The following PTGIR variants were observed in gnomAD, a reference collection of about 807,000 sequenced individuals.
PTGIR encodes prostacyclin receptor.
In PTGIR, 16 loss-of-function variants were observed where a neutral mutation model predicts 17.6. The observed-to-expected ratio is 0.91, with a 90% CI of 0.61 to 1.38. PTGIR has a LOEUF of 1.38. Ranked by LOEUF, PTGIR falls within the 40% of genes most tolerant of loss-of-function variation. PTGIR has a pLI of 0.00. For synonymous variants in PTGIR, 274 were observed against 255.4 expected (o/e 1.07, Z -0.69); for missense variants, 532 against 548.6 (o/e 0.97, Z 0.30).
chr19:46,623,661 C>T lies in PTGIR; in HGVS notation c.565G>A (p.Ala189Thr), dbSNP rs202023073. The T allele has an allele frequency of 1.9e-6, 3 of 1,548,166 alleles. No homozygotes were observed. The highest frequency in any genetic ancestry group is 1.7e-6 in the Non-Finnish European group (2 of 1,148,672). The change falls in exon 2 of 3, where the codon GCC becomes ACC. Residue 189 changes from alanine to threonine, a missense_variant. Transcript: ENST00000291294. Reference protein sequence around the residue: ...PGGAAFSLAYAGLVALLVAAI... With the variant: ...PGGAAFSLAYTGLVALLVAAI... ...GCCACCAGCAGGGCCACCAGGCCGG[C>T]GTAGGCCAGCGAGAAGGCGGCGCCG... is the stretch of plus-strand genomic sequence containing the variant.
At chr19:46,616,569 T>A (rs1312825502), downstream of PTGIR, among the ~76,000 whole-genome samples, 3 of 151,936 alleles carry the variant, frequency 2.0e-5, no homozygotes, top group Non-Finnish European at 4.4e-5. Context: ...CCTGACCTTG[T>A]GATCTGCCTG....
downstream of PTGIR, among the ~76,000 whole-genome samples, chr19:46,618,089 AC>A (rs1971988888): frequency 7.0e-6 from 1 of 143,840 alleles, no homozygotes; most frequent in African/African-American, 2.7e-5. Context: ...ATCTCGGCTC[AC>A]TGCAAGCTCT....
the PTGIR span, among the ~76,000 whole-genome samples, chr19:46,611,234 C>T: frequency 3.3e-5 from 5 of 152,180 alleles, no homozygotes; most frequent in Non-Finnish European, 5.9e-5. Context: ...GAAGCCCAGA[C>T]ATCAAGGAAC....
At chr19:46,614,928 AG>A in the PTGIR span, among the ~76,000 whole-genome samples, 1 of 152,178 alleles carries the variant, frequency 6.6e-6, no homozygotes, top group Non-Finnish European at 1.5e-5. Context: ...AGGCTGAGGC[AG>A]GAGAATTGTT....
chr19:46,621,391 C>A lies in PTGIR; in HGVS notation c.1050G>T (p.Ser350=). 1 of 1,594,438 alleles carries A rather than the reference C, an allele frequency of 6.3e-7. No homozygotes were observed. Residue 350 remains serine (S), a synonymous_variant, in exon 3 of 3, where the codon TCG becomes TCT. Coordinates refer to ENST00000291294, the MANE Select transcript of PTGIR (RefSeq NM_000960.4). This position sits in a 1 kb window ranked among gnomAD's most constrained non-coding sequence, Gnocchi z 4.8. ...VGKEGSCVPL[S]AWGEGQVEPL... ...GCTCCACCTGCCCCTCGCCCCAAGC[C>A]GACAAAGGCACGCAGCTCCCCTCCT...
chr19:46,621,772 G>C lies in PTGIR; in HGVS notation c.769-100C>G. On this transcript the variant is annotated intron_variant, in intron 2 of 2. Transcript: ENST00000291294. The surrounding 1 kb of genome is among the most constrained non-coding windows in gnomAD (Gnocchi z 4.8). Reference sequence around the variant, plus strand: ...TGCTTACCAGGGATGAGGTAGGGGTGACATGTCAGAGGGGAAGGAGATAAG... The same window carrying C: ...TGCTTACCAGGGATGAGGTAGGGGTCACATGTCAGAGGGGAAGGAGATAAG... 1 of 1,482,178 alleles carries C rather than the reference G, an allele frequency of 6.7e-7. No homozygotes were observed. The highest frequency in any genetic ancestry group is 1.4e-5 in the South Asian group (1 of 72,154). The allele number at this position is 1,482,178 out of a possible 1,614,324, so 91.8% of individuals were successfully genotyped here. A position where few individuals can be genotyped will look rare whatever the true frequency, so the allele number is the denominator to read the frequency against.
At chr19:46,615,811 AT>A (rs925932548), downstream of PTGIR, among the ~76,000 whole-genome samples, 193 of 139,010 alleles carry the variant, frequency 1.4e-3, no homozygotes, top group African/African-American at 4.9e-3. Flanking sequence ...CAGCCAAAAC[AT>A]TTTTTTTTAG....
chr19:46,615,389 A>T, the PTGIR span, among the ~76,000 whole-genome samples: 1 of 152,208 alleles, frequency 6.6e-6, no homozygotes, highest in African/African-American at 2.4e-5. Context: ...TTGGTATCCC[A>T]GGAGGGTCCT....
At chr19:46,611,237 C>G in the PTGIR span, among the ~76,000 whole-genome samples, 2 of 152,174 alleles carry the variant, frequency 1.3e-5, no homozygotes, top group Non-Finnish European at 2.9e-5. Context: ...GCCCAGACAT[C>G]AAGGAACTGA....
chr19:46,616,962 C>T (rs1971971461), downstream of PTGIR, among the ~76,000 whole-genome samples: 1 of 152,222 alleles, frequency 6.6e-6, no homozygotes, highest in Non-Finnish European at 1.5e-5. Context: ...GTTCTGAGGG[C>T]CCGCTGAGGG....
chr19:46,623,679 C>A lies in PTGIR; in HGVS notation c.547G>T (p.Ala183Ser), dbSNP rs758087985. The stretch of plus-strand genomic sequence containing the variant: ...AGGCCGGCGTAGGCCAGCGAGAAGG[C>A]GGCGCCGCCCGGCTGGGCCCAGCGC... ...RMRWAQPGGAAFSLAYAGLVA... is the reference protein window; with the variant it reads ...RMRWAQPGGASFSLAYAGLVA... The change falls in exon 2 of 3, where the codon GCC becomes TCC. Residue 183 changes from alanine to serine, a missense_variant. Physicochemically the swap from Ala to Ser is moderately conservative, Grantham distance 99 (BLOSUM62 1). Transcript: ENST00000291294. 8 of 1,548,692 alleles carry A rather than the reference C, an allele frequency of 5.2e-6. No individual in the cohort carries two copies. In the East Asian group the frequency reaches 1.9e-4, roughly 37 times the overall value.
At position 46,624,076 on chromosome 19, in the gene PTGIR, C is replaced by T; in HGVS notation, c.150G>A (p.Ala50=). 6.5e-7 allele frequency: 1 copy of T among 1,541,442 alleles called. No individual in the cohort carries two copies. Among genetic ancestry groups the T allele is most frequent in the South Asian group, 1.2e-5 (1 of 83,906 alleles). ...TGGCCGCCAGTCCGGTCACCAGCACCGCGAAGGCCGAGGGGCGCGCCGGTC... is the reference window on the plus strand; with the variant it reads ...TGGCCGCCAGTCCGGTCACCAGCACTGCGAAGGCCGAGGGGCGCGCCGGTC... ...ARRPARPSAF[A]VLVTGLAATD... Residue 50 remains alanine, a synonymous_variant, in exon 2 of 3, where the codon GCG becomes GCA. Coordinates refer to ENST00000291294, the MANE Select transcript of PTGIR (RefSeq NM_000960.4).
In PTGIR at chr19:46,623,522, A is replaced by G; in HGVS notation, c.704T>C (p.Val235Ala). Residue 235 changes from valine to alanine, a missense_variant, in exon 2 of 3, where the codon GTG becomes GCG. Transcript: ENST00000291294. ...GAGGGCCAGCAGGATCAGGTGGTCC[A>G]CCTCGTCCTCTCCGGTGCGCGGCCG... Reference protein sequence around the residue: ...GPRPRTGEDEVDHLILLALMT... With the variant: ...GPRPRTGEDEADHLILLALMT... 6.4e-7 allele frequency: 1 copy of G among 1,570,884 alleles called. No homozygotes were observed. Among genetic ancestry groups the G allele is most frequent in the South Asian group, 1.2e-5 (1 of 85,532 alleles).
rs754087174 is a variant in PTGIR, at chr19:46,624,094, C to T, written c.132G>A (p.Ala44=). ...ALGILSARRP[A]RPSAFAVLVT... ...CCAGCACCGCGAAGGCCGAGGGGCG[C>T]GCCGGTCGCCGTGCGCTCAGGATGC... is the stretch of plus-strand genomic sequence containing the variant. The change falls in exon 2 of 3, where the codon GCG becomes GCA. Residue 44 remains alanine, a synonymous_variant. Transcript: ENST00000291294. 1.1e-5 allele frequency: 17 copies of T among 1,539,638 alleles called. No homozygotes were observed. The South Asian group carries it at 1.9e-4, about 17-fold the overall frequency.
downstream of PTGIR, among the ~76,000 whole-genome samples, chr19:46,619,547 A>AAGAGAGAG (rs200797814): frequency 1.3e-4 from 11 of 87,914 alleles, no homozygotes; most frequent in African/African-American, 4.2e-4. Context: ...GAAAGAAAGA[A>AAGAGAGAG]AGAGAGAGAG....
downstream of PTGIR, among the ~76,000 whole-genome samples, chr19:46,616,208 G>T (rs1372624215): frequency 6.6e-6 from 1 of 151,888 alleles, no homozygotes; most frequent in African/African-American, 2.4e-5. Context: ...GCACGAGGCA[G>T]CCTCGGGTCC....
At position 46,623,806 on chromosome 19, in the gene PTGIR, C is replaced by G; in HGVS notation, c.420G>C (p.Leu140=). Residue 140 remains leucine (L), a synonymous_variant, in exon 2 of 3, where the codon CTG becomes CTC. Transcript: ENST00000291294. ...GGACGCAGAAGGCGTAGATGGCTGG[C>G]AGCGCCAGGCGGGCGCAGCGGGGCC... ...LDGPRCARLA[L]PAIYAFCVLF... is the part of the protein sequence containing the mutation. 6.2e-7 allele frequency: 1 copy of G among 1,608,780 alleles called. No homozygotes were observed. Among genetic ancestry groups the G allele is most frequent in the African/African-American group, 1.3e-5 (1 of 74,992 alleles).
downstream of PTGIR, among the ~76,000 whole-genome samples, chr19:46,617,243 G>A (rs779100367): frequency 9.9e-5 from 15 of 152,164 alleles, no homozygotes; most frequent in Non-Finnish European, 2.2e-4. Context: ...AGGCTGGCAG[G>A]GACTGCCAGA....
chr19:46,619,597 A>G (rs1276726635), downstream of PTGIR, among the ~76,000 whole-genome samples: 16 of 113,370 alleles, frequency 1.4e-4, no homozygotes, highest in African/African-American at 5.4e-4. Context: ...GAAAGAAAAG[A>G]AAGAAAGGAA....
Sources: allele counts gnomAD v4.1 joint callset (sites outside exome capture counted in the v4.1 genomes callset), GRCh38; gene constraint gnomAD v4.1.1; non-coding constraint Gnocchi (gnomAD v3.1); transcripts MANE v1.5; gene names NCBI Gene and HGNC (gene_info 2026-07-23, HGNC 2026-07-21).